The following LRRC4C variants were observed in gnomAD, a reference collection of about 807,000 sequenced individuals.
LRRC4C encodes the protein leucine-rich repeat-containing protein 4C.
LRRC4C carries 5 observed loss-of-function variants against 33.6 expected under a neutral mutation model. That is an observed-to-expected ratio of 0.15 (90% CI 0.08 to 0.31). LRRC4C has a LOEUF of 0.31. Ranked by LOEUF, LRRC4C falls within the 10% of genes least tolerant of loss-of-function variation. The pLI is 1.00. For synonymous variants in LRRC4C, 329 were observed against 302.0 expected (o/e 1.09, Z -0.93); for missense variants, 560 against 796.7 (o/e 0.70, Z 3.58).
At chr11:40,223,331 A>C (rs1396841153) in intron 5 of LRRC4C, among the ~76,000 whole-genome samples, 2 of 152,184 alleles carry the variant, frequency 1.3e-5, no homozygotes, top group Non-Finnish European at 2.9e-5. Flanking sequence ...CTAGAACTTA[A>C]GTGAACATGG....
chr11:40,729,997 T>C (rs1270579826), intron 2 of LRRC4C, among the ~76,000 whole-genome samples: 1 of 151,534 alleles, frequency 6.6e-6, no homozygotes, highest in Non-Finnish European at 1.5e-5. Flanking sequence ...CAGTAAACTA[T>C]CACAAGAACA....
chr11:40,955,162 T>C (rs1031161547), intron 1 of LRRC4C, among the ~76,000 whole-genome samples: 1 of 151,860 alleles, frequency 6.6e-6, no homozygotes, highest in Admixed American at 6.6e-5. Flanking sequence ...TATTAAACAC[T>C]AATTGAAGTT....
chr11:40,919,484 C>T (rs924044361), intron 2 of LRRC4C, among the ~76,000 whole-genome samples: 13 of 152,050 alleles, frequency 8.5e-5, no homozygotes, highest in Admixed American at 7.9e-4. Flanking sequence ...GAAAATTATC[C>T]CTTGATTACC....
chr11:41,081,469 C>CTT (rs941255152), intron 1 of LRRC4C, among the ~76,000 whole-genome samples: 9 of 152,164 alleles, frequency 5.9e-5, no homozygotes, highest in African/African-American at 1.9e-4. Context: ...TACTTGCTGG[C>CTT]TTCAAAAGGT....
intron 5 of LRRC4C, among the ~76,000 whole-genome samples, chr11:40,210,148 A>T (rs976994951): frequency 8.1e-5 from 12 of 148,580 alleles, no homozygotes; most frequent in African/African-American, 2.2e-4. Flanking sequence ...GAATATATAT[A>T]AAAAAAAAAC....
At chr11:40,745,915 G>GACTT (rs1948393550) in intron 2 of LRRC4C, among the ~76,000 whole-genome samples, 1 of 152,106 alleles carries the variant, frequency 6.6e-6, no homozygotes, top group African/African-American at 2.4e-5. Context: ...GGCAATATAT[G>GACTT]ACTTCAAAAT....
At chr11:40,969,060 G>A (rs918330252) in intron 1 of LRRC4C, among the ~76,000 whole-genome samples, 13 of 152,124 alleles carry the variant, frequency 8.5e-5, no homozygotes, top group Admixed American at 7.9e-4. Context: ...GAACATTCAT[G>A]ATTCATGAAA....
intron 1 of LRRC4C, among the ~76,000 whole-genome samples, chr11:40,955,953 C>T (rs1958934866): frequency 6.6e-6 from 1 of 151,832 alleles, no homozygotes; most frequent in Admixed American, 6.6e-5. Context: ...CATTCACATT[C>T]TCCGAAGGGT....
intron 5 of LRRC4C, among the ~76,000 whole-genome samples, chr11:40,240,287 T>G (rs1295514916): frequency 6.6e-6 from 1 of 152,228 alleles, no homozygotes; most frequent in Non-Finnish European, 1.5e-5. Context: ...ATTAGATCCT[T>G]ATGGTATTCC....
chr11:40,994,631 A>G (rs1190521759), intron 1 of LRRC4C, among the ~76,000 whole-genome samples: 2 of 152,130 alleles, frequency 1.3e-5, no homozygotes, highest in Non-Finnish European at 2.9e-5. Flanking sequence ...GCATCTCTCT[A>G]AATTCTCATC....
chr11:41,264,568 A>G (rs1949089209), intron 1 of LRRC4C, among the ~76,000 whole-genome samples: 1 of 152,186 alleles, frequency 6.6e-6, no homozygotes, highest in Admixed American at 6.5e-5. Flanking sequence ...ATCATCATTT[A>G]TAGCAGCAAG....
At chr11:40,602,483 T>C (rs1040453470) in intron 3 of LRRC4C, among the ~76,000 whole-genome samples, 2 of 151,848 alleles carry the variant, frequency 1.3e-5, no homozygotes, top group African/African-American at 4.8e-5. Context: ...ACATAATAAA[T>C]ACAAATTGTA....
At chr11:41,406,319 T>G (rs1348686827) in intron 1 of LRRC4C, among the ~76,000 whole-genome samples, 2 of 152,170 alleles carry the variant, frequency 1.3e-5, no homozygotes, top group Non-Finnish European at 2.9e-5. Flanking sequence ...CATGAAGAAG[T>G]TGATTTTCTG....
At chr11:40,513,936 G>T (rs748547233) in intron 3 of LRRC4C, among the ~76,000 whole-genome samples, 1 of 152,176 alleles carries the variant, frequency 6.6e-6, no homozygotes, top group African/African-American at 2.4e-5. Flanking sequence ...AGGCAGGCAA[G>T]ACAAAGAGCC....
rs141735511 is a variant in LRRC4C, at chr11:40,340,022, G to A, written c.-269-20301C>T. ...TTATCATTCTTCCTTATGGTGTTCT[G>A]AAATGAATAACTAGAAATTTTAATT... On this transcript the variant is annotated intron_variant, in intron 3 of 6. Coordinates refer to ENST00000528697, the MANE Select transcript of LRRC4C (RefSeq NM_001258419.2). 4.7e-4 allele frequency among the ~76,000 whole-genome samples: 72 copies of A among 152,178 alleles called. No individual in the cohort carries two copies. In the East Asian group the frequency reaches 0.012, roughly 25 times the overall value.
intron 4 of LRRC4C, among the ~76,000 whole-genome samples, chr11:40,318,752 C>T (rs886171505): frequency 6.6e-6 from 1 of 152,042 alleles, no homozygotes; most frequent in African/African-American, 2.4e-5. Flanking sequence ...TAACAGTATG[C>T]CTCAAAAATT....
intron 3 of LRRC4C, among the ~76,000 whole-genome samples, chr11:40,522,454 T>C (rs774194887): frequency 3.9e-5 from 6 of 152,276 alleles, no homozygotes; most frequent in Non-Finnish European, 8.8e-5. Flanking sequence ...CAGTGGGAGA[T>C]AACTTAAATC....
chr11:40,610,883 T>C (rs4366472), intron 3 of LRRC4C, among the ~76,000 whole-genome samples: 59,909 of 151,592 alleles, frequency 0.4, 14,098 homozygotes, highest in Middle Eastern at 0.56. Flanking sequence ...AAGACATAAA[T>C]AAATGGAAAG....
chr11:40,900,379 T>G (rs1243845663), intron 2 of LRRC4C, among the ~76,000 whole-genome samples: 1 of 152,096 alleles, frequency 6.6e-6, no homozygotes, highest in Non-Finnish European at 1.5e-5. Context: ...GAATTAAACA[T>G]TTATCTAAAG....
Sources: gnomAD v4.1 joint callset for allele counts (sites outside exome capture counted in the v4.1 genomes callset) on GRCh38, gnomAD v4.1.1 for gene constraint, MANE v1.5 for transcripts, NCBI Gene and HGNC (gene_info 2026-07-23, HGNC 2026-07-21) for gene names.